Variants in GNB1 observed in about 807,000 individuals in gnomAD.
GNB1 encodes the protein guanine nucleotide-binding protein G(I)/G(S)/G(T) subunit beta-1.
Under a neutral mutation model 42.9 loss-of-function variants are expected in GNB1, and 2 were observed. The ratio of observed to expected loss-of-function variants is 0.05; its 90% CI spans 0.02 to 0.15. GNB1 has a LOEUF of 0.15. GNB1 is among the 10% of genes least tolerant of loss of function. The pLI is 1.00. For missense variants in GNB1, 193 were observed against 462.2 expected, an observed-to-expected ratio of 0.42 and a Z score of 5.34; for synonymous variants, 183 against 174.7, an observed-to-expected ratio of 1.05 and a Z score of -0.38.
chr1:1,885,801 G>A (rs1317190237), intron 1 of GNB1, among the ~76,000 whole-genome samples: 13 of 149,060 alleles, frequency 8.7e-5, no homozygotes, highest in Admixed American at 2.0e-4. Context: ...CTCGTGATCC[G>A]CCCACGTCGG....
chr1:1,883,214 G>C (rs1449637063), intron 1 of GNB1, among the ~76,000 whole-genome samples: 2 of 148,412 alleles, frequency 1.3e-5, no homozygotes, highest in Non-Finnish European at 3.0e-5. Context: ...CCAGGCTGCA[G>C]TGAACCATGA....
In GNB1 at chr1:1,790,629, G is replaced by A. The variant is rs1424149726; in HGVS notation, c.498-33C>T. ...AGGAGCGAATGACAAGGGGACATCAGCCTTAACTTCTTGGGTGGCTAGTCA... is the reference window on the plus strand; with the variant it reads ...AGGAGCGAATGACAAGGGGACATCAACCTTAACTTCTTGGGTGGCTAGTCA... On this transcript the variant is annotated intron_variant, in intron 8 of 11. Coordinates refer to ENST00000378609, the MANE Select transcript of GNB1 (RefSeq NM_002074.5). The surrounding 1 kb of genome is among the most constrained non-coding windows in gnomAD (Gnocchi z 5.4). 1 of 1,497,120 alleles carries A rather than the reference G, an allele frequency of 6.7e-7. No individual in the cohort carries two copies. The highest frequency in any genetic ancestry group is 9.3e-7 in the Non-Finnish European group (1 of 1,076,602). 92.7% of individuals were successfully genotyped at this position (1,497,120 alleles called of 1,614,324 possible). A position where few individuals can be genotyped will look rare whatever the true frequency, so the allele number is the denominator to read the frequency against.
At position 1,789,101 on chromosome 1, in the gene GNB1, C is replaced by T. The variant is rs1206113734; in HGVS notation, c.868G>A (p.Asp290Asn). 2 of 1,614,174 alleles carry T rather than the reference C, an allele frequency of 1.2e-6. No homozygotes were observed. Among genetic ancestry groups the T allele is most frequent in the Non-Finnish European group, 1.7e-6 (2 of 1,180,016 alleles). Residue 290 changes from aspartate (D) to asparagine (N), a missense_variant, in exon 10 of 12, where the codon GAC becomes AAC. By Grantham distance (23) the Asp-to-Asn change is conservative (BLOSUM62 1). Coordinates refer to ENST00000378609, the MANE Select transcript of GNB1 (RefSeq NM_002074.5). The stretch of plus-strand genomic sequence containing the variant: ...TCCCAGACGTTGCAGTTGAAGTCGT[C>T]GTACCCAGCAAGGAGGAGGCGCCCG... ...KSGRLLLAGY[D>N]DFNCNVWDAL... is the part of the protein sequence containing the mutation.
chr1:1,840,079 T>A (rs981535557), intron 1 of GNB1, among the ~76,000 whole-genome samples: 6 of 150,940 alleles, frequency 4.0e-5, no homozygotes, highest in African/African-American at 1.5e-4. Flanking sequence ...ATTAAAAAAA[T>A]TAGCCAGGCG....
At chr1:1,815,726 A>C in intron 5 of GNB1, 30 bp downstream of exon 5, 1 of 1,157,372 alleles carries the variant, frequency 8.6e-7, no homozygotes, top group East Asian at 2.3e-5. Flanking sequence ...TGAATGTAAC[A>C]AGCAGCATCC....
intron 2 of GNB1, among the ~76,000 whole-genome samples, chr1:1,830,165 C>A (rs1647056035): frequency 6.6e-6 from 1 of 152,196 alleles, no homozygotes; most frequent in African/African-American, 2.4e-5. Context: ...CCCCTACACA[C>A]CAACACACGC....
rs35814207 is a variant in GNB1 at position 1,867,261 on chromosome 1, C to CA, written c.-96+23558dup. Reference sequence around the variant, plus strand: ...CAGCCTGGCAAGAGCGAAACTCCACCAAAAAACAACATTTTAAGAAAGTTT... The same window carrying CA: ...CAGCCTGGCAAGAGCGAAACTCCACCAAAAAAACAACATTTTAAGAAAGTTT... On this transcript the variant is annotated intron_variant, in intron 1 of 11. Coordinates refer to ENST00000378609, the MANE Select transcript of GNB1 (RefSeq NM_002074.5). Among the ~76,000 whole-genome samples the CA allele has an allele frequency of 8.6e-4, 131 of 152,182 alleles. No homozygotes were observed. The East Asian group carries it at 0.023, about 26-fold the overall frequency.
At position 1,790,344 on chromosome 1, in the gene GNB1, G is replaced by T; in HGVS notation, c.699+51C>A. The T allele has an allele frequency of 8.0e-7, 1 of 1,250,130 alleles. No homozygotes were observed. The highest frequency in any genetic ancestry group is 1.2e-6 in the Non-Finnish European group (1 of 848,030). The allele number at this position is 1,250,130 out of a possible 1,614,324, so 77.4% of individuals were successfully genotyped here. A position where few individuals can be genotyped will look rare whatever the true frequency, so the allele number is the denominator to read the frequency against. ...AAGTTTAAAATTTAGCAATCTGAAC[G>T]GCTAGCAGAGACGGCAGAGGACCCG... On this transcript the variant is annotated intron_variant, in intron 9 of 11. Transcript: ENST00000378609. This position sits in a 1 kb window ranked among gnomAD's most constrained non-coding sequence, Gnocchi z 5.4.
At position 1,806,499 on chromosome 1, in the gene GNB1, G is replaced by T. The variant is rs372953414; in HGVS notation, c.243C>A (p.Ile81=). ...VSASQDGKLI[I]WDSYTTNKVH... ...CCTTGTTGGTGGTGTAGCTGTCCCAGATGATAAGTTTACCATCCTGCGAGG... is the reference window on the plus strand; with the variant it reads ...CCTTGTTGGTGGTGTAGCTGTCCCATATGATAAGTTTACCATCCTGCGAGG... The change falls in exon 6 of 12, where the codon ATC becomes ATA. Residue 81 remains isoleucine, a synonymous_variant. Transcript: ENST00000378609. The T allele has an allele frequency of 4.3e-6, 7 of 1,610,826 alleles. No homozygotes were observed. In the African/African-American group the frequency reaches 5.3e-5, roughly 12 times the overall value.
intron 7 of GNB1, among the ~76,000 whole-genome samples, chr1:1,797,529 C>T (rs1376771408): frequency 1.3e-5 from 2 of 152,072 alleles, no homozygotes; most frequent in Non-Finnish European, 2.9e-5. Context: ...ACCTCCGCCA[C>T]CCCGGTTCAG....
intron 7 of GNB1, among the ~76,000 whole-genome samples, chr1:1,796,636 C>T (rs1403801078): frequency 2.6e-5 from 4 of 152,162 alleles, no homozygotes; most frequent in Non-Finnish European, 4.4e-5. Context: ...TCCCCTGGTG[C>T]GGGGGCCTGT....
At chr1:1,876,805 T>G (rs1185529589) in intron 1 of GNB1, among the ~76,000 whole-genome samples, 2 of 152,188 alleles carry the variant, frequency 1.3e-5, no homozygotes, top group African/African-American at 4.8e-5. Context: ...CTCACAACAA[T>G]CCTGGAAGAC....
intron 7 of GNB1, among the ~76,000 whole-genome samples, chr1:1,798,557 T>G (rs1377427852): frequency 6.6e-6 from 1 of 152,136 alleles, no homozygotes; most frequent in Non-Finnish European, 1.5e-5. Context: ...GCCATCTTGA[T>G]CAGAATGATC....
intron 8 of GNB1, 139 bp downstream of exon 8, chr1:1,793,106 G>T: frequency 2.0e-6 from 1 of 503,154 alleles, no homozygotes; most frequent in Non-Finnish European, 3.7e-6. Flanking sequence ...TTGCTACTAT[G>T]TGTTTTAAAT....
intron 1 of GNB1, among the ~76,000 whole-genome samples, chr1:1,877,379 T>TACA (rs1235068879): frequency 6.6e-6 from 1 of 151,152 alleles, no homozygotes; most frequent in Non-Finnish European, 1.5e-5. Flanking sequence ...AACATCTCTA[T>TACA]ACACACATGC....
At chr1:1,851,024 C>T (rs1351636485) in intron 1 of GNB1, among the ~76,000 whole-genome samples, 2 of 152,138 alleles carry the variant, frequency 1.3e-5, no homozygotes, top group Non-Finnish European at 2.9e-5. Context: ...AATCCCAGCA[C>T]TTTGGGAGGC....
At chr1:1,837,455 C>T (rs10907188) in intron 2 of GNB1, among the ~76,000 whole-genome samples, 35,439 of 151,740 alleles carry the variant, frequency 0.23, 4,344 homozygotes, top group Non-Finnish European at 0.26. Context: ...GGGGTTTCAT[C>T]GTGTTAGCCA....
intron 1 of GNB1, among the ~76,000 whole-genome samples, chr1:1,873,354 G>C (rs1158692645): frequency 6.6e-6 from 1 of 152,258 alleles, no homozygotes; most frequent in African/African-American, 2.4e-5. Context: ...CTGTTGGAGA[G>C]GCAGGCTGAG....
chr1:1,887,231 AAAC>A lies in GNB1; in HGVS notation c.-96+3586_-96+3588del, dbSNP rs554644311. ...TGAGCCAAATCTTTCGGGCAGAGAA[AAAC>A]AACGACAAAACTATAATAAATGCCA... is the stretch of plus-strand genomic sequence containing the variant. On this transcript the variant is annotated intron_variant, in intron 1 of 11. Coordinates refer to ENST00000378609, the MANE Select transcript of GNB1 (RefSeq NM_002074.5). 6.0e-3 allele frequency among the ~76,000 whole-genome samples: 914 copies of A among 152,338 alleles called. 13 individuals carry two copies. Among genetic ancestry groups the A allele is most frequent in the Non-Finnish European group, 5.5e-3 (374 of 68,036 alleles).
Sources: allele counts gnomAD v4.1 joint callset (sites outside exome capture counted in the v4.1 genomes callset), GRCh38; gene constraint gnomAD v4.1.1; non-coding constraint Gnocchi (gnomAD v3.1); transcripts MANE v1.5; gene names NCBI Gene and HGNC (gene_info 2026-07-23, HGNC 2026-07-21).